Variants in SLC24A2 observed in about 807,000 individuals in gnomAD.
SLC24A2 encodes solute carrier family 24 member 2, also known as sodium/potassium/calcium exchanger 2.
Under a neutral mutation model 62.0 loss-of-function variants are expected in SLC24A2, and 36 were observed. The observed-to-expected ratio is 0.58, with a 90% CI of 0.44 to 0.77. SLC24A2 has a LOEUF of 0.77. Among genes scored for constraint, SLC24A2 ranks in the 30% least tolerant of loss-of-function variants. SLC24A2 has a pLI of 0.00. For synonymous variants in SLC24A2, 358 were observed against 294.0 expected, an observed-to-expected ratio of 1.22 and a Z score of -2.23; for missense variants, 846 against 817.9, an observed-to-expected ratio of 1.03 and a Z score of -0.42.
chr9:20,091,203 T>A, the SLC24A2 span, among the ~76,000 whole-genome samples: 1 of 135,868 alleles, frequency 7.4e-6, no homozygotes, highest in East Asian at 2.1e-4. Context: ...AAATATGGGA[T>A]TACGTAAAGA....
the SLC24A2 span, among the ~76,000 whole-genome samples, chr9:19,805,862 A>G: frequency 8.7e-5 from 13 of 150,012 alleles, no homozygotes; most frequent in African/African-American, 1.7e-4. Context: ...AAACTTACTT[A>G]TAGGGCATTT....
At chr9:19,528,188 C>G (rs1321062603) in intron 8 of SLC24A2, 50 bp from the exon 9 acceptor site, 2 of 1,230,230 alleles carry the variant, frequency 1.6e-6, no homozygotes, top group African/African-American at 3.0e-5. Flanking sequence ...TCCATTGAGA[C>G]TGATCTGGAA....
At chr9:19,650,310 G>C (rs1031350057) in intron 2 of SLC24A2, among the ~76,000 whole-genome samples, 1 of 152,214 alleles carries the variant, frequency 6.6e-6, no homozygotes, top group African/African-American at 2.4e-5. Context: ...GGGGATGAAT[G>C]CTGAAATCAT....
chr9:19,508,776 A>C lies in SLC24A2; in HGVS notation c.*7377T>G, dbSNP rs1329466045. On this transcript the variant is annotated 3_prime_UTR_variant, in exon 11 of 11. Transcript: ENST00000341998. ...ACCACTGCACTCTAGCCTGGGTGAC[A>C]GAGCAAGACCCTGTCTGTTAAAAAA... 1 of 145,364 alleles carries C rather than the reference A, an allele frequency of 6.9e-6. No homozygotes were observed. The highest frequency in any genetic ancestry group is 2.6e-5 in the African/African-American group (1 of 38,180). The allele number at this position is 145,364 out of a possible 1,614,324, so 9.0% of individuals were successfully genotyped here.
chr9:19,814,799 T>C, the SLC24A2 span, among the ~76,000 whole-genome samples: 1 of 152,150 alleles, frequency 6.6e-6, no homozygotes, highest in Non-Finnish European at 1.5e-5. Context: ...CAGGTTCCTG[T>C]CTATGAAGTA....
At chr9:19,858,424 C>T in the SLC24A2 span, among the ~76,000 whole-genome samples, 1 of 152,088 alleles carries the variant, frequency 6.6e-6, no homozygotes, top group Admixed American at 6.5e-5. Context: ...TAGGAAATAC[C>T]ATTGTAGACA....
chr9:20,267,001 G>A, the SLC24A2 span, among the ~76,000 whole-genome samples: 2 of 150,370 alleles, frequency 1.3e-5, no homozygotes, highest in South Asian at 4.2e-4. Flanking sequence ...AACATCACTT[G>A]AGCCCAGGTG....
chr9:20,122,976 C>G, the SLC24A2 span, among the ~76,000 whole-genome samples: 1 of 152,182 alleles, frequency 6.6e-6, no homozygotes, highest in Non-Finnish European at 1.5e-5. Flanking sequence ...CCAGCAACAT[C>G]TACTGATCAC....
At chr9:20,112,372 A>T in the SLC24A2 span, among the ~76,000 whole-genome samples, 1 of 152,226 alleles carries the variant, frequency 6.6e-6, no homozygotes, top group Non-Finnish European at 1.5e-5. Flanking sequence ...ACATTATTCA[A>T]AGGAAAAATC....
the SLC24A2 span, among the ~76,000 whole-genome samples, chr9:19,842,734 T>A: frequency 6.6e-6 from 1 of 152,184 alleles, no homozygotes; most frequent in Non-Finnish European, 1.5e-5. Flanking sequence ...AACCAATAGC[T>A]GTATTGTATA....
At chr9:20,222,948 A>G in the SLC24A2 span, among the ~76,000 whole-genome samples, 1 of 152,226 alleles carries the variant, frequency 6.6e-6, no homozygotes, top group Admixed American at 6.5e-5. Context: ...AAAAAGCAGC[A>G]TTAAACTTGG....
the SLC24A2 span, among the ~76,000 whole-genome samples, chr9:20,205,273 A>G: frequency 6.6e-6 from 1 of 152,182 alleles, no homozygotes; most frequent in South Asian, 2.1e-4. Flanking sequence ...GAAGAAAAGT[A>G]TCTGCATGAT....
chr9:19,600,769 C>G (rs1001459110), intron 4 of SLC24A2, among the ~76,000 whole-genome samples: 1 of 152,106 alleles, frequency 6.6e-6, no homozygotes, highest in Non-Finnish European at 1.5e-5. Flanking sequence ...TTTACATGCT[C>G]TGGATGATCA....
the SLC24A2 span, among the ~76,000 whole-genome samples, chr9:19,895,546 C>CTTTCTTTTTT: frequency 7.4e-6 from 1 of 135,326 alleles, no homozygotes; most frequent in Non-Finnish European, 1.6e-5. Context: ...TTCTTTCTTT[C>CTTTCTTTTTT]TTTTTTTTTT....
the SLC24A2 span, among the ~76,000 whole-genome samples, chr9:20,236,267 C>T: frequency 2.0e-5 from 3 of 152,136 alleles, no homozygotes; most frequent in Non-Finnish European, 4.4e-5. Context: ...AGCATGGCAC[C>T]CTGACAGGTA....
intron 4 of SLC24A2, among the ~76,000 whole-genome samples, chr9:19,610,549 C>G (rs1186429396): frequency 6.6e-6 from 1 of 152,186 alleles, no homozygotes; most frequent in East Asian, 1.9e-4. Context: ...AAGAACTCAT[C>G]AGGAAGGTGT....
the SLC24A2 span, among the ~76,000 whole-genome samples, chr9:19,959,816 A>G: frequency 6.6e-6 from 1 of 152,218 alleles, no homozygotes; most frequent in Non-Finnish European, 1.5e-5. Context: ...AGTTTACACG[A>G]TCTCACTCAA....
At chr9:19,631,617 G>A (rs77508584) in intron 2 of SLC24A2, among the ~76,000 whole-genome samples, 2,501 of 152,242 alleles carry the variant, frequency 0.016, 49 homozygotes, top group East Asian at 0.093. Flanking sequence ...TGCAAACATA[G>A]AAGTTTTGAC....
intron 2 of SLC24A2, among the ~76,000 whole-genome samples, chr9:19,775,870 T>C (rs911777187): frequency 6.6e-6 from 1 of 152,114 alleles, no homozygotes; most frequent in Non-Finnish European, 1.5e-5. Context: ...ACACAACTAG[T>C]ACAGCTTTGC....
Sources: allele counts gnomAD v4.1 joint callset (sites outside exome capture counted in the v4.1 genomes callset), GRCh38; gene constraint gnomAD v4.1.1; transcripts MANE v1.5; gene names NCBI Gene and HGNC (gene_info 2026-07-23, HGNC 2026-07-21).